The following PPP2R3A variants were observed in gnomAD, a reference collection of about 807,000 sequenced individuals.
PPP2R3A encodes protein phosphatase 2 regulatory subunit B''alpha.
In PPP2R3A, 80 loss-of-function variants were observed where a neutral mutation model predicts 106.9. The observed-to-expected ratio is 0.75, with a 90% CI of 0.62 to 0.90. PPP2R3A has a LOEUF of 0.90. Among genes scored for constraint, PPP2R3A ranks in the 40% least tolerant of loss-of-function variants. PPP2R3A has a pLI of 0.00. For missense variants in PPP2R3A, 1,386 were observed against 1,350.4 expected (o/e 1.03, Z -0.41); for synonymous variants, 483 against 468.3 (o/e 1.03, Z -0.41).
At chr3:136,144,572 A>C (rs904180989) in intron 13 of PPP2R3A, among the ~76,000 whole-genome samples, 3 of 152,030 alleles carry the variant, frequency 2.0e-5, no homozygotes, top group South Asian at 2.1e-4. Flanking sequence ...GAGGCAGGAG[A>C]ATCGCCTGAA....
At chr3:136,103,635 C>G (rs992546115) in intron 12 of PPP2R3A, among the ~76,000 whole-genome samples, 7 of 152,020 alleles carry the variant, frequency 4.6e-5, no homozygotes, top group Non-Finnish European at 1.0e-4. Flanking sequence ...GATACACACA[C>G]TGGAAACAAA....
At chr3:135,975,474 TTTAGCCAAACAAGTA>T (rs1937392963) in intron 1 of PPP2R3A, among the ~76,000 whole-genome samples, 1 of 152,216 alleles carries the variant, frequency 6.6e-6, no homozygotes, top group Non-Finnish European at 1.5e-5. Context: ...TTCTAAGAAT[TTTAGCCAAACAAGTA>T]TTATATAAAT....
At chr3:136,115,044 T>C (rs973729694) in intron 13 of PPP2R3A, among the ~76,000 whole-genome samples, 6 of 152,202 alleles carry the variant, frequency 3.9e-5, no homozygotes, top group African/African-American at 1.4e-4. Context: ...CGGGTGTCCA[T>C]CTGGGACGAA....
At chr3:136,140,442 T>TAAAAAAAAAAAAAAAA (rs199699500) in intron 13 of PPP2R3A, among the ~76,000 whole-genome samples, 13 of 87,232 alleles carry the variant, frequency 1.5e-4, no homozygotes, top group African/African-American at 6.3e-4. Flanking sequence ...TGAGACTCTT[T>TAAAAAAAAAAAAAAAA]AAAAAAAAAA....
chr3:136,077,783 T>C (rs1177503392), intron 6 of PPP2R3A, among the ~76,000 whole-genome samples: 1 of 152,150 alleles, frequency 6.6e-6, no homozygotes, highest in Non-Finnish European at 1.5e-5. Context: ...GAGTTGCAAT[T>C]CTGCTAAACC....
intron 1 of PPP2R3A, among the ~76,000 whole-genome samples, chr3:136,000,828 T>G (rs78970588): frequency 0.012 from 1,853 of 152,204 alleles, 39 homozygotes; most frequent in African/African-American, 0.043. Flanking sequence ...GAGCATGCAA[T>G]AAGAAATTCA....
intron 13 of PPP2R3A, among the ~76,000 whole-genome samples, chr3:136,110,772 C>T (rs1937580658): frequency 1.3e-5 from 2 of 152,132 alleles, no homozygotes; most frequent in South Asian, 2.1e-4. Context: ...AAATGTAAAA[C>T]TATTTTTAGC....
intron 5 of PPP2R3A, 78 bp from the exon 6 acceptor site, chr3:136,070,400 A>G (rs1185962334): frequency 8.9e-7 from 1 of 1,119,254 alleles, no homozygotes; most frequent in East Asian, 2.6e-5. Context: ...TCAACTGGCA[A>G]CATACAGGAA....
chr3:136,082,376 G>C lies in PPP2R3A; in HGVS notation c.2743G>C (p.Asp915His). The stretch of plus-strand genomic sequence containing the variant: ...ATTCTGGGAACTAGATACTGATCAC[G>C]ACCTCTACATCAGCCAGGCCGATCT... ...CKFWELDTDH[D>H]LYISQADLSR... Residue 915 changes from aspartate to histidine, a missense_variant, in exon 8 of 14, where the codon GAC becomes CAC. Asp to His is a moderately conservative substitution (Grantham distance 81). Transcript: ENST00000264977. The C allele has an allele frequency of 6.2e-7, 1 of 1,613,546 alleles. No homozygotes were observed. Among genetic ancestry groups the C allele is most frequent in the Non-Finnish European group, 8.5e-7 (1 of 1,179,610 alleles).
At chr3:135,985,451 A>G (rs1187745883) in intron 1 of PPP2R3A, among the ~76,000 whole-genome samples, 1 of 150,718 alleles carries the variant, frequency 6.6e-6, no homozygotes, top group African/African-American at 2.4e-5. Context: ...TCACACACAC[A>G]TACTCTTCCC....
chr3:136,102,278 T>C (rs1230440113), intron 11 of PPP2R3A, 96 bp downstream of exon 11: 1 of 1,373,368 alleles, frequency 7.3e-7, no homozygotes, highest in African/African-American at 1.4e-5. Context: ...CATTTCAGAG[T>C]CTTGATAGAA....
chr3:135,990,617 T>C (rs1933120285), intron 1 of PPP2R3A, among the ~76,000 whole-genome samples: 1 of 152,156 alleles, frequency 6.6e-6, no homozygotes, highest in African/African-American at 2.4e-5. Flanking sequence ...TTAACCAGAA[T>C]TTGTGCTTGT....
At chr3:136,129,380 T>C (rs1449632052) in intron 13 of PPP2R3A, among the ~76,000 whole-genome samples, 2 of 152,288 alleles carry the variant, frequency 1.3e-5, no homozygotes, top group African/African-American at 4.8e-5. Flanking sequence ...CAGAGAATAC[T>C]ATAAACACCT....
chr3:136,137,461 CTG>C (rs1938663612), intron 13 of PPP2R3A, among the ~76,000 whole-genome samples: 1 of 144,080 alleles, frequency 6.9e-6, no homozygotes, highest in East Asian at 2.1e-4. Context: ...CAGATTAGAA[CTG>C]TTTTCTATTG....
At chr3:136,004,330 A>G (rs530783819) in intron 2 of PPP2R3A, among the ~76,000 whole-genome samples, 8 of 152,274 alleles carry the variant, frequency 5.3e-5, no homozygotes, top group African/African-American at 1.9e-4. Context: ...GCTCTGCTCT[A>G]CTTCATTCAA....
chr3:136,088,998 A>G (rs531507043), intron 9 of PPP2R3A, among the ~76,000 whole-genome samples: 74 of 152,230 alleles, frequency 4.9e-4, no homozygotes, highest in African/African-American at 1.6e-3. Context: ...TGTTGGATAC[A>G]TAGTTTAAGA....
intron 3 of PPP2R3A, among the ~76,000 whole-genome samples, chr3:136,028,962 C>T (rs1354268022): frequency 6.6e-6 from 1 of 152,178 alleles, no homozygotes; most frequent in Non-Finnish European, 1.5e-5. Context: ...AAGCGATTCT[C>T]CTGCCTCAGC....
intron 1 of PPP2R3A, among the ~76,000 whole-genome samples, chr3:135,974,404 C>T (rs1352356643): frequency 6.6e-6 from 1 of 152,178 alleles, no homozygotes; most frequent in African/African-American, 2.4e-5. Flanking sequence ...TCTCTGACGG[C>T]CTATTCCCAA....
intron 2 of PPP2R3A, among the ~76,000 whole-genome samples, chr3:136,007,508 T>TA (rs1440279193): frequency 6.6e-6 from 1 of 151,736 alleles, no homozygotes; most frequent in African/African-American, 2.4e-5. Flanking sequence ...CTTTAACACC[T>TA]AAAAAACGAC....
Sources: allele counts gnomAD v4.1 joint callset (sites outside exome capture counted in the v4.1 genomes callset), GRCh38; gene constraint gnomAD v4.1.1; transcripts MANE v1.5; gene names NCBI Gene and HGNC (gene_info 2026-07-23, HGNC 2026-07-21).